Variants in TRAP1 observed in about 807,000 individuals in gnomAD.
The protein encoded by TRAP1 is heat shock protein 75 kDa, mitochondrial.
In TRAP1, 102 loss-of-function variants were observed where a neutral mutation model predicts 89.1. The observed-to-expected ratio is 1.15, with a 90% CI of 0.98 to 1.35. The LOEUF (loss-of-function observed/expected upper bound fraction) is 1.35, where lower values mean the gene tolerates loss of function less well. Among genes scored for constraint, TRAP1 ranks in the 40% most tolerant of loss-of-function variants. TRAP1 has a pLI of 0.00. For synonymous variants in TRAP1, 508 were observed against 388.0 expected (o/e 1.31, Z -3.64); for missense variants, 1,256 against 945.3 (o/e 1.33, Z -4.31).
chr16:3,664,368 GC>G lies in TRAP1; in HGVS notation c.1474del (p.Ala492ProfsTer26). 6.2e-7 allele frequency: 1 copy of G among 1,612,868 alleles called. No individual in the cohort carries two copies. ...SLSEYASRMR[A>X]GTRNIYYLCA... The stretch of plus-strand genomic sequence containing the variant: ...CAGGTAGTAGATGTTGCGGGTGCCG[GC>G]CCGCATGCGGCTGGCGTATTCTGAG... On this transcript the variant is annotated frameshift_variant, in exon 13 of 18. Coordinates refer to ENST00000246957, the MANE Select transcript of TRAP1 (RefSeq NM_016292.3). LOFTEE classifies it high-confidence loss of function.
chr16:3,658,861 C>G lies in TRAP1; in HGVS notation c.1945G>C (p.Ala649Pro). 4 of 1,614,066 alleles carry G rather than the reference C, an allele frequency of 2.5e-6. No individual in the cohort carries two copies. The highest frequency in any genetic ancestry group is 3.4e-6 in the Non-Finnish European group (4 of 1,180,004). ...AGCTGATTCAGCTTCTTGATGAGCG[C>G]GTGCCTGCAACACAGAACCCACCAG... ...QPTLEINPRHALIKKLNQLRA... is the reference protein window; with the variant it reads ...QPTLEINPRHPLIKKLNQLRA... The change falls in exon 17 of 18, where the codon GCG becomes CCG. Residue 649 changes from alanine to proline, a missense_variant. Physicochemically the swap from Ala to Pro is conservative, Grantham distance 27 (BLOSUM62 -1). Transcript: ENST00000246957.
At chr16:3,666,233 G>A in intron 11 of TRAP1, 115 bp from the exon 12 acceptor site, 3 of 1,338,750 alleles carry the variant, frequency 2.2e-6, no homozygotes, top group Non-Finnish European at 2.0e-6. Flanking sequence ...AAAACAACAA[G>A]GTACCGTTAT....
At chr16:3,707,279 G>C (rs571651662) in intron 1 of TRAP1, among the ~76,000 whole-genome samples, 8 of 146,188 alleles carry the variant, frequency 5.5e-5, no homozygotes, top group African/African-American at 2.0e-4. Context: ...TCCGCCTCCC[G>C]GGTTCACACC....
intron 6 of TRAP1, chr16:3,676,860 G>A (rs1239162102): frequency 6.6e-6 from 1 of 152,616 alleles, no homozygotes; most frequent in Non-Finnish European, 1.5e-5. Flanking sequence ...TTCGAGACCA[G>A]TCTGACCAAC....
intron 1 of TRAP1, among the ~76,000 whole-genome samples, chr16:3,703,436 C>T (rs1253635716): frequency 6.6e-6 from 1 of 151,798 alleles, no homozygotes; most frequent in Non-Finnish European, 1.5e-5. Context: ...ACCTCTAACA[C>T]AAAGAAAAAA....
In TRAP1 at chr16:3,663,514, G is replaced by C. The variant is rs769933824; in HGVS notation, c.1618C>G (p.Arg540Gly). 1 of 1,614,108 alleles carries C rather than the reference G, an allele frequency of 6.2e-7. No homozygotes were observed. The highest frequency in any genetic ancestry group is 1.1e-5 in the South Asian group (1 of 91,080). ...QFDELTLLHLREFDKKKLISV... is the reference protein window; with the variant it reads ...QFDELTLLHLGEFDKKKLISV... ...ATCAGCTTCTTCTTGTCAAACTCACGAAGGTGCAGCAGGGTGAGCTCATCA... is the reference window on the plus strand; with the variant it reads ...ATCAGCTTCTTCTTGTCAAACTCACCAAGGTGCAGCAGGGTGAGCTCATCA... The change falls in exon 14 of 18, where the codon CGT (arginine) becomes GGT (glycine). Residue 540 changes from arginine (R) to glycine (G), a missense_variant. Arg to Gly is a moderately radical substitution (Grantham distance 125, BLOSUM62 -2). Coordinates refer to ENST00000246957, the MANE Select transcript of TRAP1 (RefSeq NM_016292.3).
intron 1 of TRAP1, among the ~76,000 whole-genome samples, chr16:3,698,684 G>T (rs1028778801): frequency 3.3e-5 from 5 of 152,030 alleles, no homozygotes; most frequent in South Asian, 4.2e-4. Context: ...AGGCCGGGGG[G>T]TCGCTTCAGC....
At chr16:3,701,302 T>C (rs2051361557) in intron 1 of TRAP1, among the ~76,000 whole-genome samples, 1 of 152,084 alleles carries the variant, frequency 6.6e-6, no homozygotes, top group Admixed American at 6.6e-5. Flanking sequence ...TATATGAAGT[T>C]AAAACGGAAA....
chr16:3,691,015 GA>G (rs745731880), intron 1 of TRAP1, 30 bp from the exon 2 acceptor site: 1 of 1,436,418 alleles, frequency 7.0e-7, no homozygotes, highest in Non-Finnish European at 9.2e-7. Context: ...GAAAGAATGA[GA>G]ATTAGGAAGA....
Position 3,676,072 on chromosome 16 carries a change from C to T in TRAP1, c.778G>A (p.Asp260Asn), listed in dbSNP as rs776753733. ...GCCTCGCTGGAAAACTCCTTGCAGT[C>T]GGATTTCAGGTGGATGATGATTTTT... ...GTKIIIHLKS[D>N]CKEFSSEARV... is the part of the protein sequence containing the mutation. Residue 260 changes from aspartate (D) to asparagine (N), a missense_variant, in exon 7 of 18, where the codon GAC (aspartate) becomes AAC (asparagine). Coordinates refer to ENST00000246957, the MANE Select transcript of TRAP1 (RefSeq NM_016292.3). 6.4e-5 allele frequency: 104 copies of T among 1,613,782 alleles called. No individual in the cohort carries two copies. Among genetic ancestry groups the T allele is most frequent in the Admixed American group, 3.2e-4 (19 of 59,960 alleles).
intron 4 of TRAP1, among the ~76,000 whole-genome samples, chr16:3,683,162 C>G (rs1174025240): frequency 6.6e-6 from 1 of 150,996 alleles, no homozygotes; most frequent in African/African-American, 2.4e-5. Flanking sequence ...AGAGCAAAAC[C>G]CCATTTCAAA....
Position 3,671,784 on chromosome 16 carries a change from C to T in TRAP1, c.1173G>A (p.Val391=). The change falls in exon 11 of 18, where the codon GTG becomes GTA. Residue 391 remains valine, a synonymous_variant. Transcript: ENST00000246957. Reference sequence around the variant, plus strand: ...GGTTCAGGGGAATGTCCTCACTGTCCACCACACCTGGGAGACACGGCAGTC... The same window carrying T: ...GGTTCAGGGGAATGTCCTCACTGTCTACCACACCTGGGAGACACGGCAGTC... The part of the protein sequence containing the change: ...PKWLRFIRGV[V]DSEDIPLNLS... The T allele has an allele frequency of 6.2e-7, 1 of 1,612,418 alleles. No individual in the cohort carries two copies. The highest frequency in any genetic ancestry group is 8.5e-7 in the Non-Finnish European group (1 of 1,179,976).
chr16:3,658,627 C>A lies in TRAP1; in HGVS notation c.2013+166G>T, dbSNP rs150401264. 2,282 of 660,740 alleles carry A rather than the reference C, an allele frequency of 3.5e-3. 37 individuals carry two copies. In the African/African-American group the frequency reaches 0.036, roughly 10 times the overall value. The allele number at this position is 660,740 out of a possible 1,614,324, so 40.9% of individuals were successfully genotyped here. ...GGCAGAGGTTGTAGTGAGCCAAGAT[C>A]GCGCCACTGCACTCCAGCCTGGCAA... On this transcript the variant is annotated intron_variant, in intron 17 of 17. Coordinates refer to ENST00000246957, the MANE Select transcript of TRAP1 (RefSeq NM_016292.3).
chr16:3,666,019 G>GC lies in TRAP1; in HGVS notation c.1334dup (p.Leu446ProfsTer70), dbSNP rs780507665. On this transcript the variant is annotated frameshift_variant, in exon 12 of 18. Transcript: ENST00000246957. LOFTEE classifies it high-confidence loss of function. ...TCACAATGCCCTCCCGCATGAACAGGCCGTAATCTTCAAAAAACTTTGCAT... is the reference window on the plus strand; with the variant it reads ...TCACAATGCCCTCCCGCATGAACAGGCCCGTAATCTTCAAAAAACTTTGCAT... 4 of 1,614,028 alleles carry GC rather than the reference G, an allele frequency of 2.5e-6. No homozygotes were observed. In the African/African-American group the frequency reaches 5.3e-5, roughly 22 times the overall value.
chr16:3,700,422 C>T (rs1413511742), intron 1 of TRAP1, among the ~76,000 whole-genome samples: 1 of 151,866 alleles, frequency 6.6e-6, no homozygotes, highest in Non-Finnish European at 1.5e-5. Context: ...CCACATCGGC[C>T]TCCCAAAGTG....
chr16:3,716,168 T>G (rs568028625), intron 1 of TRAP1, among the ~76,000 whole-genome samples: 1 of 152,218 alleles, frequency 6.6e-6, no homozygotes. Flanking sequence ...GTATCTTTTA[T>G]AGACCACTGG....
intron 1 of TRAP1, among the ~76,000 whole-genome samples, chr16:3,710,887 T>TTTTTTTTTTG: frequency 6.9e-6 from 1 of 145,344 alleles, no homozygotes; most frequent in East Asian, 2.2e-4. Flanking sequence ...ATATTTTTTT[T>TTTTTTTTTTG]TTTGAGACAC....
chr16:3,679,626 T>A, intron 5 of TRAP1, 93 bp downstream of exon 5: 2 of 1,283,404 alleles, frequency 1.6e-6, no homozygotes, highest in South Asian at 2.4e-5. Context: ...CTGACAACGT[T>A]CTTACTTAAT....
Position 3,695,534 on chromosome 16 carries a change from T to C in TRAP1, c.89-4549A>G, listed in dbSNP as rs1310593638. On this transcript the variant is annotated intron_variant, in intron 1 of 17. Coordinates refer to ENST00000246957, the MANE Select transcript of TRAP1 (RefSeq NM_016292.3). ...CTTGGCGACAGAGTGAGACTCTGTC[T>C]CGAAAAAAAAAAAAAAAGAAAAGAA... 2.1e-4 allele frequency among the ~76,000 whole-genome samples: 25 copies of C among 120,726 alleles called. No individual in the cohort carries two copies. The Admixed American group carries it at 2.2e-3, about 11-fold the overall frequency. The allele number at this position is 120,726 out of a possible 152,430, so 79.2% of individuals were successfully genotyped here. A position where few individuals can be genotyped will look rare whatever the true frequency, so the allele number is the denominator to read the frequency against.
Sources: gnomAD v4.1 joint callset for allele counts (sites outside exome capture counted in the v4.1 genomes callset) on GRCh38, gnomAD v4.1.1 for gene constraint, MANE v1.5 for transcripts, NCBI Gene and HGNC (gene_info 2026-07-23, HGNC 2026-07-21) for gene names.